Variants in ADAMTS2 observed in about 807,000 individuals in gnomAD.
ADAMTS2 encodes the protein A disintegrin and metalloproteinase with thrombospondin motifs 2.
In ADAMTS2, 50 loss-of-function variants were observed where a neutral mutation model predicts 123.0. The observed-to-expected ratio is 0.41, with a 90% CI of 0.32 to 0.51. ADAMTS2 has a LOEUF of 0.51. ADAMTS2 is among the 20% of genes least tolerant of loss of function. The pLI is 0.35. For missense variants in ADAMTS2, 1,494 were observed against 1,705.2 expected, an observed-to-expected ratio of 0.88 and a Z score of 2.18; for synonymous variants, 678 against 695.4, an observed-to-expected ratio of 0.98 and a Z score of 0.39.
chr5:179,297,720 G>C (rs1216594812), intron 2 of ADAMTS2, among the ~76,000 whole-genome samples: 1 of 151,990 alleles, frequency 6.6e-6, no homozygotes, highest in Non-Finnish European at 1.5e-5. Flanking sequence ...AGAGGACGGA[G>C]AGCTCTTGCT....
chr5:179,276,911 G>A (rs191923329), intron 2 of ADAMTS2, among the ~76,000 whole-genome samples: 77 of 152,312 alleles, frequency 5.1e-4, no homozygotes, highest in African/African-American at 1.8e-3. Flanking sequence ...GCCAGGCTCA[G>A]CCTGGGGAAG....
chr5:179,163,822 C>A (rs1372717253), intron 5 of ADAMTS2, among the ~76,000 whole-genome samples: 1 of 152,252 alleles, frequency 6.6e-6, no homozygotes, highest in Non-Finnish European at 1.5e-5. Flanking sequence ...CGTTCTCCAA[C>A]CCCAAGGAGG....
At chr5:179,240,819 G>A (rs542082156) in intron 3 of ADAMTS2, among the ~76,000 whole-genome samples, 18 of 152,192 alleles carry the variant, frequency 1.2e-4, no homozygotes, top group East Asian at 1.9e-4. Flanking sequence ...ACACTGCTGC[G>A]GAAACCATAA....
At chr5:179,167,384 C>T (rs1447895167) in intron 5 of ADAMTS2, among the ~76,000 whole-genome samples, 4 of 152,174 alleles carry the variant, frequency 2.6e-5, no homozygotes. Flanking sequence ...GGCCCCAAGA[C>T]AGCCTCTGGG....
In ADAMTS2 at chr5:179,118,009, C is replaced by G. The variant is rs116507120; in HGVS notation, c.3178+3652G>C. Among the ~76,000 whole-genome samples, 1 of 152,172 alleles carries G rather than the reference C, an allele frequency of 6.6e-6. No homozygotes were observed. Among genetic ancestry groups the G allele is most frequent in the African/African-American group, 2.4e-5 (1 of 41,436 alleles). On this transcript the variant is annotated intron_variant, in intron 21 of 21. Coordinates refer to ENST00000251582, the MANE Select transcript of ADAMTS2 (RefSeq NM_014244.5). This position sits in a 1 kb window ranked among gnomAD's most constrained non-coding sequence, Gnocchi z 4.5. ...GGTCAGAGCCATGCACGAGAAAGTG[C>G]TCCATAAATGCCCATTGAGTGAGGG...
rs1764153696 is a variant in ADAMTS2 at position 179,185,517 on chromosome 5, G to A, written c.892-4362C>T. 6.6e-6 allele frequency among the ~76,000 whole-genome samples: 1 copy of A among 152,220 alleles called. No homozygotes were observed. The highest frequency in any genetic ancestry group is 2.1e-4 in the South Asian group (1 of 4,826). On this transcript the variant is annotated intron_variant, in intron 4 of 21. Coordinates refer to ENST00000251582, the MANE Select transcript of ADAMTS2 (RefSeq NM_014244.5). This position sits in a 1 kb window ranked among gnomAD's most constrained non-coding sequence, Gnocchi z 5.9. Reference sequence around the variant, plus strand: ...TTCCCACTCTCCTAGCCCTACCCCTGGGGCCGAAGGTGGCAGCTCTCATCT... The same window carrying A: ...TTCCCACTCTCCTAGCCCTACCCCTAGGGCCGAAGGTGGCAGCTCTCATCT...
chr5:179,329,097 G>T (rs1230249818), intron 2 of ADAMTS2, among the ~76,000 whole-genome samples: 1 of 152,182 alleles, frequency 6.6e-6, no homozygotes, highest in South Asian at 2.1e-4. Flanking sequence ...GGAGGCCAAG[G>T]AGGGCGGATC....
At chr5:179,309,812 G>A (rs557377212) in intron 2 of ADAMTS2, among the ~76,000 whole-genome samples, 1 of 151,560 alleles carries the variant, frequency 6.6e-6, no homozygotes, top group East Asian at 1.9e-4. Flanking sequence ...TTGACCGGGT[G>A]GGTCACCTCT....
intron 5 of ADAMTS2, among the ~76,000 whole-genome samples, chr5:179,161,755 A>C (rs1260431393): frequency 6.6e-6 from 1 of 151,940 alleles, no homozygotes; most frequent in East Asian, 1.9e-4. Context: ...TGATGTAATC[A>C]TTACACATTG....
intron 5 of ADAMTS2, among the ~76,000 whole-genome samples, chr5:179,177,430 A>G (rs1158464324): frequency 2.0e-5 from 3 of 152,218 alleles, no homozygotes; most frequent in Non-Finnish European, 4.4e-5. Flanking sequence ...CGAAAGACAC[A>G]TTGGGTAGAT....
intron 2 of ADAMTS2, chr5:179,341,302 G>C (rs375093179): frequency 2.8e-6 from 1 of 362,744 alleles, no homozygotes; most frequent in South Asian, 2.0e-5. Context: ...TGGGCAGATC[G>C]CTTGAGGTCG....
chr5:179,187,593 C>T (rs1212519346), intron 4 of ADAMTS2, among the ~76,000 whole-genome samples: 1 of 152,158 alleles, frequency 6.6e-6, no homozygotes, highest in Non-Finnish European at 1.5e-5. Context: ...AGGGCCTCCC[C>T]TCCCCTCCCC....
At position 179,122,569 on chromosome 5, in the gene ADAMTS2, T is replaced by C. The variant is rs545986890; in HGVS notation, c.3088+75A>G. On this transcript the variant is annotated intron_variant, in intron 20 of 21. Transcript: ENST00000251582. The stretch of plus-strand genomic sequence containing the variant: ...CTCTCCGGGAAGAGCCAGATTTGCC[T>C]GAACCAAGCCTCTGACACCCCCGCC... 36 of 1,531,400 alleles carry C rather than the reference T, an allele frequency of 2.4e-5. No homozygotes were observed. In the Middle Eastern group the frequency reaches 1.1e-3, roughly 48 times the overall value. The allele number at this position is 1,531,400 out of a possible 1,614,324, so 94.9% of individuals were successfully genotyped here. A position where few individuals can be genotyped will look rare whatever the true frequency, so the allele number is the denominator to read the frequency against.
At chr5:179,342,931 A>G (rs1018124078) in intron 2 of ADAMTS2, among the ~76,000 whole-genome samples, 1 of 152,212 alleles carries the variant, frequency 6.6e-6, no homozygotes, top group African/African-American at 2.4e-5. Flanking sequence ...ACAGGACTAG[A>G]GAGGCGCAGG....
At chr5:179,201,717 G>A (rs922904682) in intron 4 of ADAMTS2, among the ~76,000 whole-genome samples, 6 of 151,556 alleles carry the variant, frequency 4.0e-5, no homozygotes, top group African/African-American at 7.3e-5. Context: ...CAGGAGAATC[G>A]TTTGAACTCG....
At chr5:179,296,131 G>A (rs142179203) in intron 2 of ADAMTS2, among the ~76,000 whole-genome samples, 1 of 152,294 alleles carries the variant, frequency 6.6e-6, no homozygotes, top group Non-Finnish European at 1.5e-5. Context: ...GGGGAGGCCT[G>A]AGCCGTGGGG....
chr5:179,189,071 T>G lies in ADAMTS2; in HGVS notation c.892-7916A>C, dbSNP rs1458554006. ...CTCTGCCACAATCCTGCTGCGTGAC[T>G]TGGGGCCAGTTACTTAACCTGTCTG... On this transcript the variant is annotated intron_variant, in intron 4 of 21. Transcript: ENST00000251582. The surrounding 1 kb of genome is among the most constrained non-coding windows in gnomAD (Gnocchi z 4.2). 6.6e-6 allele frequency among the ~76,000 whole-genome samples: 1 copy of G among 152,180 alleles called. No individual in the cohort carries two copies. The highest frequency in any genetic ancestry group is 1.9e-4 in the East Asian group (1 of 5,196).
At chr5:179,342,441 T>C (rs529742291) in intron 2 of ADAMTS2, among the ~76,000 whole-genome samples, 3 of 152,326 alleles carry the variant, frequency 2.0e-5, no homozygotes, top group Non-Finnish European at 1.5e-5. Context: ...GTTTGCAATA[T>C]GGCCAAGTTC....
rs567831284 is a variant in ADAMTS2 at position 179,341,357 on chromosome 5, AAAGGAAGG to A, written c.534+2402_534+2409del. ...ATCAAAAGGAAAGAAAGAAAGAAAA[AAAGGAAGG>A]AAGGAAGGAAGGAAAGAGAAGAGAA... On this transcript the variant is annotated intron_variant, in intron 2 of 21. Transcript: ENST00000251582. 1,195 of 399,096 alleles carry A rather than the reference AAAGGAAGG, an allele frequency of 3.0e-3. 11 individuals are homozygous for A. Among genetic ancestry groups the A allele is most frequent in the Admixed American group, 4.4e-3 (148 of 33,420 alleles). The allele number at this position is 399,096 out of a possible 1,614,324, so 24.7% of individuals were successfully genotyped here. A position where few individuals can be genotyped will look rare whatever the true frequency, so the allele number is the denominator to read the frequency against.
Sources: gnomAD v4.1 joint callset for allele counts (sites outside exome capture counted in the v4.1 genomes callset) on GRCh38, gnomAD v4.1.1 for gene constraint, Gnocchi (gnomAD v3.1) non-coding constraint, MANE v1.5 for transcripts, NCBI Gene and HGNC (gene_info 2026-07-23, HGNC 2026-07-21) for gene names.